The following ATP8A2 variants were observed in gnomAD, a reference collection of about 807,000 sequenced individuals.
ATP8A2 encodes the protein ATPase phospholipid transporting 8A2.
Under a neutral mutation model 165.6 loss-of-function variants are expected in ATP8A2, and 100 were observed. The observed-to-expected ratio is 0.60, with a 90% CI of 0.51 to 0.71. ATP8A2 has a LOEUF of 0.71. Ranked by LOEUF, ATP8A2 falls within the 30% of genes least tolerant of loss-of-function variation. The pLI, the probability that ATP8A2 is intolerant of heterozygous loss-of-function variation, is 0.00. For missense variants in ATP8A2, 1,227 were observed against 1,479.5 expected, an observed-to-expected ratio of 0.83 and a Z score of 2.80; for synonymous variants, 543 against 548.8, an observed-to-expected ratio of 0.99 and a Z score of 0.15.
chr13:25,589,803 T>TTTTTC, intron 24 of ATP8A2, 104 bp downstream of exon 24: 1 of 707,860 alleles, frequency 1.4e-6, no homozygotes, highest in Non-Finnish European at 2.4e-6. Flanking sequence ...AAAAAACAGT[T>TTTTTC]ATGAAAAAAC....
intron 33 of ATP8A2, among the ~76,000 whole-genome samples, chr13:25,935,463 A>G (rs1273684251): frequency 1.3e-5 from 2 of 152,220 alleles, no homozygotes; most frequent in African/African-American, 4.8e-5. Flanking sequence ...CATTGCTGTA[A>G]AGGAATACCT....
At position 25,822,254 on chromosome 13, in the gene ATP8A2, G is replaced by T. The variant is rs191179416; in HGVS notation, c.2680-5864G>T. ...AGTTCTTTGTTTTCCATATATAAGGGTGTGGCATTGTTTTCCAAATAATGC... is the reference window on the plus strand; with the variant it reads ...AGTTCTTTGTTTTCCATATATAAGGTTGTGGCATTGTTTTCCAAATAATGC... On this transcript the variant is annotated intron_variant, in intron 27 of 36. Transcript: ENST00000381655. 8.8e-4 allele frequency among the ~76,000 whole-genome samples: 134 copies of T among 152,140 alleles called. 1 individual carries two copies. Among genetic ancestry groups the T allele is most frequent in the African/African-American group, 2.9e-3 (119 of 41,500 alleles).
chr13:25,652,004 T>A (rs772063961), intron 24 of ATP8A2, among the ~76,000 whole-genome samples: 2 of 152,282 alleles, frequency 1.3e-5, no homozygotes, highest in Non-Finnish European at 2.9e-5. Flanking sequence ...TCAAACTATG[T>A]CTCTGATCTG....
intron 1 of ATP8A2, among the ~76,000 whole-genome samples, chr13:25,416,114 C>T (rs983788562): frequency 6.6e-6 from 1 of 152,170 alleles, no homozygotes; most frequent in Non-Finnish European, 1.5e-5. Flanking sequence ...AGGCATGAGC[C>T]ACTACACCTG....
At chr13:25,666,328 G>A (rs1012056110) in intron 24 of ATP8A2, among the ~76,000 whole-genome samples, 2 of 151,948 alleles carry the variant, frequency 1.3e-5, no homozygotes, top group South Asian at 2.1e-4. Context: ...TTCTGCCTCA[G>A]CCTCCCAAGT....
At chr13:25,736,723 C>T (rs117316346) in intron 25 of ATP8A2, among the ~76,000 whole-genome samples, 98 of 152,178 alleles carry the variant, frequency 6.4e-4, no homozygotes, top group Non-Finnish European at 9.0e-4. Flanking sequence ...AAGAAATGGA[C>T]GGTGGGCTGG....
At chr13:25,993,819 G>T (rs112619702) in intron 35 of ATP8A2, among the ~76,000 whole-genome samples, 1 of 151,990 alleles carries the variant, frequency 6.6e-6, no homozygotes, top group Admixed American at 6.6e-5. Context: ...TTTAACAATT[G>T]TTCTTTTACC....
At chr13:25,928,408 A>G (rs529619828) in intron 33 of ATP8A2, among the ~76,000 whole-genome samples, 1 of 152,194 alleles carries the variant, frequency 6.6e-6, no homozygotes, top group Non-Finnish European at 1.5e-5. Context: ...CTTCATTTAC[A>G]TTGAGCCTGT....
intron 25 of ATP8A2, among the ~76,000 whole-genome samples, chr13:25,763,327 C>A (rs1355693212): frequency 6.6e-6 from 1 of 152,182 alleles, no homozygotes; most frequent in East Asian, 1.9e-4. Context: ...GAAATAAAAA[C>A]TGAACTGCTC....
At chr13:25,450,690 C>T (rs548041723) in intron 1 of ATP8A2, among the ~76,000 whole-genome samples, 1 of 152,070 alleles carries the variant, frequency 6.6e-6, no homozygotes, top group East Asian at 1.9e-4. Flanking sequence ...CGCCACCATG[C>T]CCGGCTAATT....
At chr13:25,783,401 G>A (rs555882197) in intron 27 of ATP8A2, among the ~76,000 whole-genome samples, 1 of 152,350 alleles carries the variant, frequency 6.6e-6, no homozygotes, top group Admixed American at 6.5e-5. Context: ...TCTGAATTCT[G>A]CTTTCCTTGC....
intron 1 of ATP8A2, among the ~76,000 whole-genome samples, chr13:25,387,607 TAGG>T (rs1158871967): frequency 2.6e-5 from 4 of 152,216 alleles, no homozygotes; most frequent in South Asian, 4.2e-4. Flanking sequence ...CGTAGAGAAA[TAGG>T]AGAACAATTG....
intron 33 of ATP8A2, among the ~76,000 whole-genome samples, chr13:25,958,179 G>T (rs2139174311): frequency 6.6e-6 from 1 of 152,014 alleles, no homozygotes; most frequent in Non-Finnish European, 1.5e-5. Flanking sequence ...AATACCTAAT[G>T]CTAGGTATTT....
At chr13:25,679,712 G>A (rs1198946705) in intron 24 of ATP8A2, among the ~76,000 whole-genome samples, 1 of 152,152 alleles carries the variant, frequency 6.6e-6, no homozygotes, top group South Asian at 2.1e-4. Context: ...TAAAACAAAG[G>A]TGGTCATTGT....
intron 2 of ATP8A2, among the ~76,000 whole-genome samples, chr13:25,473,292 T>C (rs1463033013): frequency 1.3e-5 from 2 of 152,246 alleles, no homozygotes; most frequent in Non-Finnish European, 2.9e-5. Context: ...TTTTCATTAT[T>C]GAAGCCAATG....
chr13:25,743,509 C>T (rs897975038), intron 25 of ATP8A2, among the ~76,000 whole-genome samples: 23 of 152,130 alleles, frequency 1.5e-4, no homozygotes, highest in Non-Finnish European at 7.4e-5. Flanking sequence ...AAAGGGAAAG[C>T]GAGGAAATCG....
At chr13:25,743,331 C>T (rs1479141478) in intron 25 of ATP8A2, among the ~76,000 whole-genome samples, 1 of 152,172 alleles carries the variant, frequency 6.6e-6, no homozygotes, top group Non-Finnish European at 1.5e-5. Flanking sequence ...ACTCTGCCAA[C>T]ACCTTGATCT....
At chr13:25,739,291 G>T (rs1270309285) in intron 25 of ATP8A2, among the ~76,000 whole-genome samples, 1 of 152,212 alleles carries the variant, frequency 6.6e-6, no homozygotes, top group Non-Finnish European at 1.5e-5. Context: ...GGCTTTGAGT[G>T]TATCTCACAT....
rs1277548980 is a variant in ATP8A2 at position 26,017,890 on chromosome 13, C to T, written c.3470-1998C>T. Among the ~76,000 whole-genome samples, 3 of 152,232 alleles carry T rather than the reference C, an allele frequency of 2.0e-5. No homozygotes were observed. In the East Asian group the frequency reaches 5.8e-4, roughly 29 times the overall value. On this transcript the variant is annotated intron_variant, in intron 36 of 36. Transcript: ENST00000381655. ...GCTCACAATGGTCTGGGAGCTGCTT[C>T]ACTGTGGCTACCATGTGGTGGGAAT... is the stretch of plus-strand genomic sequence containing the variant.
Sources: allele counts gnomAD v4.1 joint callset (sites outside exome capture counted in the v4.1 genomes callset), GRCh38; gene constraint gnomAD v4.1.1; transcripts MANE v1.5; gene names NCBI Gene and HGNC (gene_info 2026-07-23, HGNC 2026-07-21).